LRBA: variants seen among roughly 807,000 people sequenced by gnomAD.
LRBA encodes the protein lipopolysaccharide-responsive and beige-like anchor protein.
Under a neutral mutation model 330.0 loss-of-function variants are expected in LRBA, and 176 were observed. That is an observed-to-expected ratio of 0.53 (90% CI 0.47 to 0.60). The LOEUF is 0.60. LRBA is among the 20% of genes least tolerant of loss of function. The pLI is 0.00. For synonymous variants in LRBA, 1,230 were observed against 1,193.0 expected, an observed-to-expected ratio of 1.03 and a Z score of -0.64; for missense variants, 3,259 against 3,444.8, an observed-to-expected ratio of 0.95 and a Z score of 1.35.
At chr4:150,445,056 A>C in intron 44 of LRBA, among the ~76,000 whole-genome samples, 1 of 152,180 alleles carries the variant, frequency 6.6e-6, no homozygotes, top group Non-Finnish European at 1.5e-5. Context: ...AAATGTTTTA[A>C]GTTATTATGA....
At chr4:150,635,840 G>A (rs1396251819) in intron 37 of LRBA, among the ~76,000 whole-genome samples, 2 of 152,100 alleles carry the variant, frequency 1.3e-5, no homozygotes, top group Non-Finnish European at 2.9e-5. Context: ...ATCATGTCTG[G>A]CATTGAGTTA....
At chr4:150,977,038 G>A (rs1718816272) in intron 2 of LRBA, among the ~76,000 whole-genome samples, 1 of 152,284 alleles carries the variant, frequency 6.6e-6, no homozygotes, top group Non-Finnish European at 1.5e-5. Flanking sequence ...GGCAGTCTAG[G>A]CCACAAGGAC....
At chr4:150,813,067 G>A (rs1413516251) in intron 31 of LRBA, among the ~76,000 whole-genome samples, 3 of 151,252 alleles carry the variant, frequency 2.0e-5, no homozygotes, top group African/African-American at 7.3e-5. Context: ...TGAAGCAGGA[G>A]GATCACTCAA....
intron 40 of LRBA, among the ~76,000 whole-genome samples, chr4:150,538,030 A>C (rs1368159492): frequency 2.0e-5 from 3 of 152,200 alleles, no homozygotes; most frequent in Non-Finnish European, 2.9e-5. Context: ...AAATATATTA[A>C]AAAGTGCTCA....
chr4:150,877,967 A>C (rs1754238866), intron 17 of LRBA, among the ~76,000 whole-genome samples: 1 of 152,202 alleles, frequency 6.6e-6, no homozygotes, highest in Non-Finnish European at 1.5e-5. Flanking sequence ...GAAATTTAAA[A>C]ATTTTTTGAA....
chr4:150,680,681 C>A (rs1274302339), intron 37 of LRBA, among the ~76,000 whole-genome samples: 2 of 151,984 alleles, frequency 1.3e-5, no homozygotes, highest in African/African-American at 4.8e-5. Context: ...TCTTTTTTCC[C>A]CGGCTTGCAG....
intron 40 of LRBA, among the ~76,000 whole-genome samples, chr4:150,508,579 C>T (rs150518416): frequency 0.016 from 2,476 of 152,234 alleles, 72 homozygotes; most frequent in African/African-American, 0.055. Flanking sequence ...GGAGCCACCA[C>T]GTCCAGCCCC....
chr4:150,713,914 C>A (rs903633692), intron 36 of LRBA, among the ~76,000 whole-genome samples: 1 of 152,100 alleles, frequency 6.6e-6, no homozygotes. Flanking sequence ...TAAACTTTGA[C>A]CATTTGTGGC....
intron 53 of LRBA, among the ~76,000 whole-genome samples, chr4:150,297,356 A>G (rs1276981364): frequency 6.6e-6 from 1 of 152,182 alleles, no homozygotes; most frequent in African/African-American, 2.4e-5. Context: ...GTTTTGCTGG[A>G]ACTTGAGGGC....
chr4:150,520,393 T>A (rs1242634473), intron 40 of LRBA, among the ~76,000 whole-genome samples: 1 of 152,184 alleles, frequency 6.6e-6, no homozygotes, highest in African/African-American at 2.4e-5. Flanking sequence ...AGGTTTTATT[T>A]TTTTTTCCTT....
At position 150,852,021 on chromosome 4, in the gene LRBA, C is replaced by T. The variant is rs34708681; in HGVS notation, c.3689G>A (p.Gly1230Asp). The change falls in exon 23 of 57, where the codon GGT (glycine) becomes GAT (aspartate). Residue 1230 changes from glycine to aspartate, a missense_variant. Physicochemically the swap from Gly to Asp is moderately conservative, Grantham distance 94. Transcript: ENST00000651943. ...RETKLINDCHGSVSEASSEQK... is the reference protein window; with the variant it reads ...RETKLINDCHDSVSEASSEQK... ...CTCAGAAGAAGCCTCAGAGACACTA[C>T]CATGACAATCATTAATTAATTTGGT... 1.4e-3 allele frequency: 2,302 copies of T among 1,614,080 alleles called. 30 individuals are homozygous for T. In the African/African-American group the frequency reaches 0.027, roughly 19 times the overall value.
chr4:150,722,985 T>TCCA (rs1233359247), intron 36 of LRBA, among the ~76,000 whole-genome samples: 1 of 151,974 alleles, frequency 6.6e-6, no homozygotes, highest in Non-Finnish European at 1.5e-5. Flanking sequence ...CTGGGCTCCT[T>TCCA]CCATAGAGGG....
intron 46 of LRBA, among the ~76,000 whole-genome samples, chr4:150,432,383 C>T (rs1052506691): frequency 7.4e-5 from 4 of 54,246 alleles, no homozygotes; most frequent in Non-Finnish European, 3.9e-4. Flanking sequence ...AATGACTCCA[C>T]CTGAAATATG....
chr4:150,880,643 G>A (rs148827241), intron 17 of LRBA, among the ~76,000 whole-genome samples: 14 of 152,052 alleles, frequency 9.2e-5, no homozygotes, highest in African/African-American at 2.4e-4. Flanking sequence ...CCTTGGGAAA[G>A]AATTTATCAC....
chr4:150,514,563 C>T (rs910830025), intron 40 of LRBA, among the ~76,000 whole-genome samples: 2 of 152,202 alleles, frequency 1.3e-5, no homozygotes, highest in Admixed American at 1.3e-4. Context: ...ATAGCTGCTG[C>T]TGTGTGTCTC....
At chr4:150,862,768 G>A (rs955966227) in intron 22 of LRBA, among the ~76,000 whole-genome samples, 4 of 151,328 alleles carry the variant, frequency 2.6e-5, no homozygotes, top group African/African-American at 7.3e-5. Flanking sequence ...CCTGAGCTCC[G>A]GAATTCAAGA....
intron 35 of LRBA, among the ~76,000 whole-genome samples, chr4:150,761,379 C>T (rs559440611): frequency 4.6e-5 from 7 of 152,010 alleles, no homozygotes; most frequent in Non-Finnish European, 7.4e-5. Flanking sequence ...CATCACATTG[C>T]GAAACTTGTC....
intron 47 of LRBA, among the ~76,000 whole-genome samples, chr4:150,389,676 CAAAAAAAAAAA>C (rs34170088): frequency 1.2e-5 from 1 of 80,092 alleles, no homozygotes; most frequent in Non-Finnish European, 2.3e-5. Flanking sequence ...GACTCTGTCT[CAAAAAAAAAAA>C]AAAAAAAAAA....
chr4:150,651,994 C>G lies in LRBA; in HGVS notation c.5921+31557G>C, dbSNP rs190810584. Among the ~76,000 whole-genome samples the G allele has an allele frequency of 1.9e-3, 294 of 152,264 alleles. 3 individuals are homozygous for G. The highest frequency in any genetic ancestry group is 6.8e-3 in the African/African-American group (284 of 41,544). ...AAGTAGCTGGAACCACAGGTGCATA[C>G]TACCACACTCAGATAATTTTTGTAT... is the stretch of plus-strand genomic sequence containing the variant. On this transcript the variant is annotated intron_variant, in intron 37 of 56. Transcript: ENST00000651943.
Sources: gnomAD v4.1 joint callset for allele counts (sites outside exome capture counted in the v4.1 genomes callset) on GRCh38, gnomAD v4.1.1 for gene constraint, MANE v1.5 for transcripts, NCBI Gene and HGNC (gene_info 2026-07-23, HGNC 2026-07-21) for gene names.